The following GRID2 variants were observed in gnomAD, a reference collection of about 807,000 sequenced individuals.
The protein encoded by GRID2 is glutamate receptor ionotropic, delta-2.
GRID2 carries 33 observed loss-of-function variants against 114.8 expected under a neutral mutation model. The ratio of observed to expected loss-of-function variants is 0.29; its 90% CI spans 0.22 to 0.38. The LOEUF (loss-of-function observed/expected upper bound fraction) is 0.38, where lower values mean the gene tolerates loss of function less well. Among genes scored for constraint, GRID2 ranks in the 10% least tolerant of loss-of-function variants. The pLI is 1.00. For missense variants in GRID2, 1,184 were observed against 1,257.7 expected, an observed-to-expected ratio of 0.94 and a Z score of 0.89; for synonymous variants, 505 against 449.9, an observed-to-expected ratio of 1.12 and a Z score of -1.55.
At chr4:92,924,202 C>G (rs10028302) in intron 2 of GRID2, among the ~76,000 whole-genome samples, 151,591 of 152,200 alleles carry the variant, frequency 1, 75,496 homozygotes, top group Middle Eastern at 1. Context: ...TGAACAATGA[C>G]AACACATGGA....
At chr4:93,396,622 G>C (rs1765358036) in intron 9 of GRID2, among the ~76,000 whole-genome samples, 2 of 151,950 alleles carry the variant, frequency 1.3e-5, no homozygotes, top group Non-Finnish European at 2.9e-5. Flanking sequence ...ACCGAAACTG[G>C]TGAAAGAGCA....
intron 14 of GRID2, among the ~76,000 whole-genome samples, chr4:93,668,314 C>T (rs987582702): frequency 2.6e-5 from 4 of 151,964 alleles, no homozygotes; most frequent in African/African-American, 4.8e-5. Context: ...TGTATATAAC[C>T]GTTTTCTCCT....
intron 2 of GRID2, among the ~76,000 whole-genome samples, chr4:92,744,428 C>G (rs573631986): frequency 1.3e-5 from 2 of 148,442 alleles, no homozygotes; most frequent in South Asian, 4.3e-4. Flanking sequence ...GCGGAGGTTG[C>G]AGTGAGCTGA....
rs187961320 is a variant in GRID2, at chr4:93,468,235, A to G, written c.1858+12261A>G. On this transcript the variant is annotated intron_variant, in intron 11 of 15. Transcript: ENST00000282020. ...TTGGGTCTAAATTAAAGATCATTCA[A>G]CAGTTAGTGTATGTAATGTGCCAGG... is the stretch of plus-strand genomic sequence containing the variant. Among the ~76,000 whole-genome samples, 373 of 152,298 alleles carry G rather than the reference A, an allele frequency of 2.4e-3. 2 individuals are homozygous for G. Among genetic ancestry groups the G allele is most frequent in the African/African-American group, 8.6e-3 (358 of 41,568 alleles).
chr4:92,925,821 A>C lies in GRID2; in HGVS notation c.245-159174A>C, dbSNP rs562101025. Reference sequence around the variant, plus strand: ...TCTACACCACTCCATGGACATCATTAAGCCTTTTTATTTAGAATTATGACA... The same window carrying C: ...TCTACACCACTCCATGGACATCATTCAGCCTTTTTATTTAGAATTATGACA... On this transcript the variant is annotated intron_variant, in intron 2 of 15. Transcript: ENST00000282020. Among the ~76,000 whole-genome samples the C allele has an allele frequency of 1.3e-3, 204 of 152,166 alleles. 1 individual carries two copies. Among genetic ancestry groups the C allele is most frequent in the African/African-American group, 4.7e-3 (197 of 41,560 alleles).
chr4:92,335,186 G>A (rs1222396205), intron 1 of GRID2, among the ~76,000 whole-genome samples: 2 of 152,166 alleles, frequency 1.3e-5, no homozygotes, highest in African/African-American at 4.8e-5. Context: ...TTCAGAGTTA[G>A]CATCAAGCTA....
intron 13 of GRID2, among the ~76,000 whole-genome samples, chr4:93,526,338 A>T (rs985564048): frequency 6.6e-6 from 1 of 152,148 alleles, no homozygotes; most frequent in East Asian, 1.9e-4. Context: ...GCCATGCAGA[A>T]CTGTGAGTCA....
At chr4:93,117,335 CT>C (rs1462629206) in intron 4 of GRID2, among the ~76,000 whole-genome samples, 4 of 150,856 alleles carry the variant, frequency 2.7e-5, no homozygotes, top group African/African-American at 7.3e-5. Flanking sequence ...ATGCTTCTTA[CT>C]TTTTTTTTCA....
intron 1 of GRID2, among the ~76,000 whole-genome samples, chr4:92,369,073 C>T (rs184881406): frequency 2.6e-4 from 39 of 152,080 alleles, no homozygotes; most frequent in Admixed American, 2.1e-3. Flanking sequence ...GATCAGATTA[C>T]TAGCTGGTAA....
intron 1 of GRID2, among the ~76,000 whole-genome samples, chr4:92,406,305 T>C (rs2110291384): frequency 6.6e-6 from 1 of 152,296 alleles, no homozygotes; most frequent in Admixed American, 6.5e-5. Context: ...TAAAATCTCA[T>C]TTATCCCTTA....
rs563684505 is a variant in GRID2, at chr4:93,653,780, T to C, written c.2360+27345T>C. ...ATGTGGTTACTCTCTGAGATGAGAG[T>C]ATAATCTCTGCTGGAAAGTATACAT... is the stretch of plus-strand genomic sequence containing the variant. On this transcript the variant is annotated intron_variant, in intron 14 of 15. Coordinates refer to ENST00000282020, the MANE Select transcript of GRID2 (RefSeq NM_001510.4). 1.4e-4 allele frequency among the ~76,000 whole-genome samples: 21 copies of C among 152,124 alleles called. No individual in the cohort carries two copies. The East Asian group carries it at 4.1e-3, about 30-fold the overall frequency.
chr4:93,702,367 C>G (rs1423783065), intron 14 of GRID2, among the ~76,000 whole-genome samples: 3 of 152,070 alleles, frequency 2.0e-5, no homozygotes, highest in Non-Finnish European at 4.4e-5. Flanking sequence ...TCGTCTTTTT[C>G]TCTAAACATT....
At chr4:92,540,878 G>T (rs1425225501) in intron 1 of GRID2, among the ~76,000 whole-genome samples, 1 of 151,170 alleles carries the variant, frequency 6.6e-6, no homozygotes, top group Non-Finnish European at 1.5e-5. Context: ...CAATAGCAAA[G>T]ACTTGTGACC....
At chr4:92,796,086 G>A (rs1035076353) in intron 2 of GRID2, among the ~76,000 whole-genome samples, 2 of 151,866 alleles carry the variant, frequency 1.3e-5, no homozygotes, top group Non-Finnish European at 2.9e-5. Flanking sequence ...CCTTAATACT[G>A]TAATCATTCC....
At chr4:93,544,976 A>T (rs962123903) in intron 13 of GRID2, among the ~76,000 whole-genome samples, 10 of 152,088 alleles carry the variant, frequency 6.6e-5, no homozygotes, top group Non-Finnish European at 1.5e-4. Context: ...AAAATGATGC[A>T]TTTCAATTTT....
chr4:92,737,353 C>T (rs959971392), intron 2 of GRID2, among the ~76,000 whole-genome samples: 14 of 152,002 alleles, frequency 9.2e-5, no homozygotes, highest in African/African-American at 2.2e-4. Context: ...TATGTGTATG[C>T]GATTTTGTCA....
chr4:92,722,544 G>A (rs1735860186), intron 2 of GRID2, among the ~76,000 whole-genome samples: 1 of 151,936 alleles, frequency 6.6e-6, no homozygotes, highest in African/African-American at 2.4e-5. Context: ...CATGACAAGG[G>A]GAAAGAGAAA....
intron 2 of GRID2, among the ~76,000 whole-genome samples, chr4:92,736,036 G>A (rs1736582973): frequency 1.3e-5 from 2 of 152,064 alleles, no homozygotes; most frequent in African/African-American, 4.8e-5. Context: ...CTGCAAATAT[G>A]TTAACTTACA....
rs1001028145 is a variant in GRID2 at position 93,569,133 on chromosome 4, A to G, written c.2193+53722A>G. 7.2e-5 allele frequency among the ~76,000 whole-genome samples: 11 copies of G among 152,274 alleles called. No individual in the cohort carries two copies. The East Asian group carries it at 2.1e-3, about 29-fold the overall frequency. On this transcript the variant is annotated intron_variant, in intron 13 of 15. Coordinates refer to ENST00000282020, the MANE Select transcript of GRID2 (RefSeq NM_001510.4). The stretch of plus-strand genomic sequence containing the variant: ...TCAATTCCTTTGCCAAATCAGGACA[A>G]ACTCTGAGGCATCACTTATCCAGAG...
Sources: gnomAD v4.1 joint callset for allele counts (sites outside exome capture counted in the v4.1 genomes callset) on GRCh38, gnomAD v4.1.1 for gene constraint, MANE v1.5 for transcripts, NCBI Gene and HGNC (gene_info 2026-07-23, HGNC 2026-07-21) for gene names.